The following GRIN2B variants were observed in gnomAD, a reference collection of about 807,000 sequenced individuals.
GRIN2B encodes the protein glutamate receptor ionotropic, NMDA 2B.
GRIN2B carries 5 observed loss-of-function variants against 114.5 expected under a neutral mutation model. The observed-to-expected ratio is 0.04, with a 90% CI of 0.02 to 0.09. The LOEUF (loss-of-function observed/expected upper bound fraction) is 0.09. Among genes scored for constraint, GRIN2B ranks in the 10% least tolerant of loss-of-function variants. The probability of loss-of-function intolerance (pLI) is 1.00; values close to 1 mark genes in which losing one functional copy is unlikely to be tolerated. For synonymous variants in GRIN2B, 787 were observed against 745.1 expected, an observed-to-expected ratio of 1.06 and a Z score of -0.92; for missense variants, 1,108 against 1,943.5, an observed-to-expected ratio of 0.57 and a Z score of 8.08.
chr12:13,878,174 A>T (rs952545277), intron 2 of GRIN2B, among the ~76,000 whole-genome samples: 75 of 151,956 alleles, frequency 4.9e-4, no homozygotes, highest in African/African-American at 1.7e-3. Context: ...TCCGGTTTCC[A>T]GGTGGGTTTC....
intron 10 of GRIN2B, among the ~76,000 whole-genome samples, chr12:13,598,037 A>T (rs1355172984): frequency 6.6e-6 from 1 of 152,192 alleles, no homozygotes; most frequent in Non-Finnish European, 1.5e-5. Flanking sequence ...GGTGGGGTGG[A>T]AGGCAGTGGT....
chr12:13,607,342 TAA>T (rs1949280059), intron 10 of GRIN2B, among the ~76,000 whole-genome samples: 8 of 50,436 alleles, frequency 1.6e-4, no homozygotes, highest in Admixed American at 1.2e-3. Context: ...ATATTATATA[TAA>T]TATATAAAAT....
At chr12:13,804,199 A>G (rs114244172) in intron 3 of GRIN2B, among the ~76,000 whole-genome samples, 155 of 148,294 alleles carry the variant, frequency 1.0e-3, no homozygotes, top group African/African-American at 3.6e-3. Context: ...TAGATAAGAA[A>G]TCTTTTAAAT....
intron 3 of GRIN2B, among the ~76,000 whole-genome samples, chr12:13,856,601 A>G (rs1359985575): frequency 2.0e-5 from 3 of 151,088 alleles, no homozygotes; most frequent in Non-Finnish European, 4.4e-5. Flanking sequence ...CCTTTTTAGA[A>G]CTCTTGGTTT....
rs1176446319 is a variant in GRIN2B at position 13,545,512 on chromosome 12, C to A, written c.*17271G>T. The stretch of plus-strand genomic sequence containing the variant: ...TGCTCTGAAGCCACAGACCAAATAT[C>A]CCCAAAATAAGAGCTCCAGTAAACA... On this transcript the variant is annotated 3_prime_UTR_variant, in exon 14 of 14. Coordinates refer to ENST00000609686, the MANE Select transcript of GRIN2B (RefSeq NM_000834.5). The A allele has an allele frequency of 6.6e-6, 1 of 152,106 alleles. No individual in the cohort carries two copies. Among genetic ancestry groups the A allele is most frequent in the African/African-American group, 2.4e-5 (1 of 41,406 alleles). 9.4% of individuals were successfully genotyped at this position (152,106 alleles called of 1,614,324 possible). A position where few individuals can be genotyped will look rare whatever the true frequency, so the allele number is the denominator to read the frequency against.
intron 2 of GRIN2B, among the ~76,000 whole-genome samples, chr12:13,893,951 C>A (rs1165148615): frequency 6.6e-6 from 1 of 151,758 alleles, no homozygotes; most frequent in Non-Finnish European, 1.5e-5. Flanking sequence ...AAAAGAGAAA[C>A]CACAATGAAG....
chr12:13,675,879 G>T lies in GRIN2B; in HGVS notation c.1011-20C>A, dbSNP rs768189702. 3 of 1,368,690 alleles carry T rather than the reference G, an allele frequency of 2.2e-6. No individual in the cohort carries two copies. The Admixed American group carries it at 5.0e-5, about 23-fold the overall frequency. 84.8% of individuals were successfully genotyped at this position (1,368,690 alleles called of 1,614,324 possible). ...AGATACCTGTAAAGATAAAATAAAA[G>T]GAAGATTAAAAGTATGAAGAGGGTA... On this transcript the variant is annotated intron_variant, in intron 4 of 13. Transcript: ENST00000609686.
intron 5 of GRIN2B, among the ~76,000 whole-genome samples, chr12:13,617,208 A>G (rs1374558024): frequency 6.6e-6 from 1 of 152,254 alleles, no homozygotes; most frequent in Non-Finnish European, 1.5e-5. Flanking sequence ...GTGGATCTAA[A>G]TTGGAATAAA....
chr12:13,680,638 G>A (rs1053715480), intron 4 of GRIN2B, among the ~76,000 whole-genome samples: 1 of 152,084 alleles, frequency 6.6e-6, no homozygotes, highest in African/African-American at 2.4e-5. Flanking sequence ...TCATTTTAGA[G>A]AGGAGAAAAT....
intron 3 of GRIN2B, among the ~76,000 whole-genome samples, chr12:13,840,145 T>A (rs116981522): frequency 1.3e-5 from 2 of 152,040 alleles, no homozygotes; most frequent in African/African-American, 4.8e-5. Flanking sequence ...CGTAACGTAC[T>A]GCTCTGTTTC....
intron 5 of GRIN2B, among the ~76,000 whole-genome samples, chr12:13,657,985 C>G (rs1311609215): frequency 6.6e-6 from 1 of 152,142 alleles, no homozygotes; most frequent in African/African-American, 2.4e-5. Flanking sequence ...GCAGTCGGAT[C>G]ACCTGAGGTC....
At chr12:13,740,370 G>A (rs1863259586) in intron 4 of GRIN2B, among the ~76,000 whole-genome samples, 1 of 152,162 alleles carries the variant, frequency 6.6e-6, no homozygotes, top group African/African-American at 2.4e-5. Context: ...AGTACATACA[G>A]AATAGGGGGT....
At chr12:13,756,630 T>C (rs1189961127) in intron 3 of GRIN2B, among the ~76,000 whole-genome samples, 1 of 152,204 alleles carries the variant, frequency 6.6e-6, no homozygotes, top group African/African-American at 2.4e-5. Flanking sequence ...TGCTTTAAGA[T>C]GTACAAGCTT....
At chr12:13,847,146 T>C (rs1187592802) in intron 3 of GRIN2B, among the ~76,000 whole-genome samples, 2 of 152,206 alleles carry the variant, frequency 1.3e-5, no homozygotes. Context: ...CAAACTCTTT[T>C]TCAATTTTTA....
At chr12:13,781,476 G>A (rs1468493320) in intron 3 of GRIN2B, among the ~76,000 whole-genome samples, 5 of 152,112 alleles carry the variant, frequency 3.3e-5, no homozygotes, top group East Asian at 1.9e-4. Flanking sequence ...GACTGTAAGT[G>A]GAACACACTG....
chr12:13,598,367 C>T (rs989263698), intron 10 of GRIN2B, among the ~76,000 whole-genome samples: 21 of 152,212 alleles, frequency 1.4e-4, no homozygotes, highest in African/African-American at 4.8e-4. Context: ...TGACTCCCTC[C>T]TTCCCATATG....
At chr12:13,653,764 A>G (rs373262057) in intron 5 of GRIN2B, among the ~76,000 whole-genome samples, 226 of 152,224 alleles carry the variant, frequency 1.5e-3, no homozygotes, top group African/African-American at 5.2e-3. Context: ...CTTCAAGTGT[A>G]TATGGTGGGA....
chr12:13,607,229 T>A (rs1268245542), intron 10 of GRIN2B, among the ~76,000 whole-genome samples: 2 of 97,430 alleles, frequency 2.1e-5, no homozygotes, highest in Admixed American at 1.6e-4. Context: ...ATAAAATATA[T>A]AATATATATT....
At position 13,741,069 on chromosome 12, in the gene GRIN2B, T is replaced by C. The variant is rs529143658; in HGVS notation, c.1010+12248A>G. Among the ~76,000 whole-genome samples, 26 of 152,236 alleles carry C rather than the reference T, an allele frequency of 1.7e-4. No individual in the cohort carries two copies. In the South Asian group the frequency reaches 4.8e-3, roughly 28 times the overall value. On this transcript the variant is annotated intron_variant, in intron 4 of 13. Coordinates refer to ENST00000609686, the MANE Select transcript of GRIN2B (RefSeq NM_000834.5). ...TTTATTTTATTTTATTGCGATGGAGTCTCACTCTGTGAGTGCAGTGGTGTG... is the reference window on the plus strand; with the variant it reads ...TTTATTTTATTTTATTGCGATGGAGCCTCACTCTGTGAGTGCAGTGGTGTG...
Sources: gnomAD v4.1 joint callset for allele counts (sites outside exome capture counted in the v4.1 genomes callset) on GRCh38, gnomAD v4.1.1 for gene constraint, MANE v1.5 for transcripts, NCBI Gene and HGNC (gene_info 2026-07-23, HGNC 2026-07-21) for gene names.